The following KALRN variants were observed in gnomAD, a reference collection of about 807,000 sequenced individuals.
The protein encoded by KALRN is kalirin RhoGEF kinase.
Under a neutral mutation model 353.7 loss-of-function variants are expected in KALRN, and 70 were observed. The observed-to-expected ratio is 0.20, with a 90% confidence interval of 0.16 to 0.24. KALRN has a LOEUF of 0.24. Ranked by LOEUF, KALRN falls within the 10% of genes least tolerant of loss-of-function variation. The pLI, the probability that KALRN is intolerant of heterozygous loss-of-function variation, is 1.00. For synonymous variants in KALRN, 1,391 were observed against 1,434.8 expected (o/e 0.97, Z 0.69); for missense variants, 2,791 against 3,756.7 (o/e 0.74, Z 6.72).
intron 1 of KALRN, among the ~76,000 whole-genome samples, chr3:124,058,727 A>G (rs1035410603): frequency 2.0e-5 from 3 of 152,178 alleles, no homozygotes; most frequent in Non-Finnish European, 2.9e-5. Flanking sequence ...GCTTCCCTGT[A>G]GTATCTGTCT....
At chr3:124,093,519 A>G (rs2061246889) in intron 1 of KALRN, among the ~76,000 whole-genome samples, 1 of 152,216 alleles carries the variant, frequency 6.6e-6, no homozygotes, top group African/African-American at 2.4e-5. Context: ...GTGATTGGGC[A>G]AGGACTGGGC....
chr3:124,637,155 T>G, intron 36 of KALRN, 53 bp from the exon 37 acceptor site: 1 of 1,373,624 alleles, frequency 7.3e-7, no homozygotes, highest in Non-Finnish European at 1.0e-6. Context: ...TCCTGATCAC[T>G]GTTCCTTATT....
At chr3:124,074,258 A>G (rs2060158935) in intron 1 of KALRN, among the ~76,000 whole-genome samples, 1 of 152,240 alleles carries the variant, frequency 6.6e-6, no homozygotes, top group African/African-American at 2.4e-5. Flanking sequence ...TAGAATTCTC[A>G]GTTCATAGCT....
intron 48 of KALRN, among the ~76,000 whole-genome samples, chr3:124,673,298 A>G (rs911546485): frequency 2.6e-5 from 4 of 152,060 alleles, no homozygotes; most frequent in African/African-American, 9.7e-5. Flanking sequence ...AGGCAGGAGA[A>G]TCACTTGAGC....
At chr3:124,389,246 A>G (rs2088946279) in intron 11 of KALRN, among the ~76,000 whole-genome samples, 1 of 152,180 alleles carries the variant, frequency 6.6e-6, no homozygotes, top group Admixed American at 6.5e-5. Context: ...TCAGGGAATG[A>G]AAGCCCCTTT....
chr3:124,689,915 T>C lies in KALRN; in HGVS notation c.7378-3889T>C, dbSNP rs78706690. On this transcript the variant is annotated intron_variant, in intron 51 of 59. Transcript: ENST00000682506. ...AGACGTTATGGTACTTAGCAGTTCA[T>C]GGTCAGAGACTTAGAGGTACCTACA... is the stretch of plus-strand genomic sequence containing the variant. Among the ~76,000 whole-genome samples, 520 of 152,308 alleles carry C rather than the reference T, an allele frequency of 3.4e-3. 4 individuals are homozygous for C. The highest frequency in any genetic ancestry group is 0.012 in the African/African-American group (489 of 41,560).
chr3:124,691,250 G>A (rs9814969), intron 51 of KALRN, among the ~76,000 whole-genome samples: 3,009 of 152,138 alleles, frequency 0.02, 44 homozygotes, highest in Non-Finnish European at 0.031. Context: ...CCAACGTGGC[G>A]AGACCCCGTC....
At chr3:124,671,063 G>A (rs2086369242) in intron 47 of KALRN, among the ~76,000 whole-genome samples, 1 of 152,154 alleles carries the variant, frequency 6.6e-6, no homozygotes, top group Non-Finnish European at 1.5e-5. Context: ...AATTAGACAA[G>A]AAGCCTTCTG....
In KALRN at chr3:124,157,593, G is replaced by A. The variant is rs113783045; in HGVS notation, c.74-70397G>A. Among the ~76,000 whole-genome samples the A allele has an allele frequency of 2.0e-5, 3 of 152,178 alleles. No homozygotes were observed. In the East Asian group the frequency reaches 5.8e-4, roughly 29 times the overall value. On this transcript the variant is annotated intron_variant, in intron 1 of 59. Coordinates refer to ENST00000682506, the MANE Select transcript of KALRN (RefSeq NM_001388419.1). ...TATAAATACCTTTAAGAAGTTACAC[G>A]CAGAGGGAGTTTAGTTTTAGTACAA...
intron 11 of KALRN, among the ~76,000 whole-genome samples, chr3:124,390,982 T>C (rs1294630281): frequency 1.3e-5 from 2 of 152,116 alleles, no homozygotes; most frequent in Non-Finnish European, 2.9e-5. Flanking sequence ...GCTAATCTTA[T>C]GTAGGGCATG....
At chr3:124,599,124 C>T (rs887813783) in intron 34 of KALRN, among the ~76,000 whole-genome samples, 1 of 152,216 alleles carries the variant, frequency 6.6e-6, no homozygotes, top group African/African-American at 2.4e-5. Flanking sequence ...TACCCCTCTT[C>T]TGGCCCGCAA....
In KALRN at chr3:124,671,693, A is replaced by G. The variant is rs2086474906; in HGVS notation, c.6737A>G (p.Glu2246Gly). Residue 2246 changes from glutamate to glycine, a missense_variant, in exon 48 of 60, where the codon GAA becomes GGA. Physicochemically the swap from Glu to Gly is moderately conservative, Grantham distance 98. Transcript: ENST00000682506. Reference sequence around the variant, plus strand: ...TCGCCCATTGAGTATCAACGGAAAGAAAGGAGCACAGCTGTGATGAGGTCT... The same window carrying G: ...TCGCCCATTGAGTATCAACGGAAAGGAAGGAGCACAGCTGTGATGAGGTCT... ...LQSPIEYQRK[E>G]RSTAVMRSQP... 3 of 1,614,080 alleles carry G rather than the reference A, an allele frequency of 1.9e-6. No homozygotes were observed. Among genetic ancestry groups the G allele is most frequent in the Non-Finnish European group, 2.5e-6 (3 of 1,179,932 alleles).
intron 33 of KALRN, among the ~76,000 whole-genome samples, chr3:124,498,992 A>G (rs897374897): frequency 6.6e-6 from 1 of 152,114 alleles, no homozygotes; most frequent in Non-Finnish European, 1.5e-5. Context: ...ACTGACTCAT[A>G]TTCAACAGAA....
In KALRN at chr3:124,562,953, C is replaced by A. The variant is rs544705578; in HGVS notation, c.5046C>A (p.Ser1682Arg). The A allele has an allele frequency of 1.5e-6, 2 of 1,367,896 alleles. No individual in the cohort carries two copies. Among genetic ancestry groups the A allele is most frequent in the South Asian group, 1.1e-5 (1 of 88,050 alleles). The allele number at this position is 1,367,896 out of a possible 1,614,324, so 84.7% of individuals were successfully genotyped here. The change falls in exon 34 of 60, where the codon AGC becomes AGA. Residue 1682 changes from serine (S) to arginine (R), a missense_variant. By Grantham distance (110) the Ser-to-Arg change is moderately radical. Around this residue, in one of 11 missense-constraint regions of KALRN, gnomAD observed 239 missense variants for 351.3 expected, o/e 0.68. Coordinates refer to ENST00000682506, the MANE Select transcript of KALRN (RefSeq NM_001388419.1). ...CGGTAGAGCTGCTGGAGCGGCCCAG[C>A]GAGCGGCCTGGTTGGTGTCTGGTCC... ...GQTVELLERP[S>R]ERPGWCLVRT...
chr3:124,385,924 G>A (rs1488208398), intron 11 of KALRN, among the ~76,000 whole-genome samples: 2 of 151,760 alleles, frequency 1.3e-5, no homozygotes, highest in African/African-American at 4.8e-5. Context: ...CCCTTTAATA[G>A]AGTATTAATT....
Position 124,434,325 on chromosome 3 carries a change from T to C in KALRN, c.2848T>C (p.Ser950Pro). Residue 950 changes from serine to proline, a missense_variant, in exon 17 of 60, where the codon TCC becomes CCC. Coordinates refer to ENST00000682506, the MANE Select transcript of KALRN (RefSeq NM_001388419.1). The part of the protein sequence containing the change: ...LAIESLFHAT[S>P]LQKTHQSALQ... ...TGCCCAGTCCCTCTTTCATGCCACT[T>C]CCTTGCAGAAGACGCACCAGAGTGC... The C allele has an allele frequency of 6.2e-7, 1 of 1,612,808 alleles. No homozygotes were observed. The highest frequency in any genetic ancestry group is 1.1e-5 in the South Asian group (1 of 91,012).
intron 33 of KALRN, among the ~76,000 whole-genome samples, chr3:124,552,254 C>T (rs1226984250): frequency 6.6e-6 from 1 of 152,124 alleles, no homozygotes; most frequent in East Asian, 1.9e-4. Flanking sequence ...TGTAAGTCAC[C>T]CCGCTCCCAG....
intron 5 of KALRN, among the ~76,000 whole-genome samples, chr3:124,281,359 T>C (rs2149043007): frequency 6.6e-6 from 1 of 152,328 alleles, no homozygotes. Flanking sequence ...TTGACCAGCT[T>C]GTCCCAGATT....
At position 124,155,390 on chromosome 3, in the gene KALRN, C is replaced by T. The variant is rs558732048; in HGVS notation, c.74-72600C>T. On this transcript the variant is annotated intron_variant, in intron 1 of 59. Coordinates refer to ENST00000682506, the MANE Select transcript of KALRN (RefSeq NM_001388419.1). The stretch of plus-strand genomic sequence containing the variant: ...CACCTTTGTCTTAAATCAGAGGTGC[C>T]ACCAAGTAGTTGATACTACCTTGAG... Among the ~76,000 whole-genome samples, 16 of 152,258 alleles carry T rather than the reference C, an allele frequency of 1.1e-4. No homozygotes were observed. The East Asian group carries it at 2.7e-3, about 26-fold the overall frequency.
Sources: allele counts gnomAD v4.1 joint callset (sites outside exome capture counted in the v4.1 genomes callset), GRCh38; gene constraint gnomAD v4.1.1; regional missense constraint gnomAD v4.1.1; transcripts MANE v1.5; gene names NCBI Gene and HGNC (gene_info 2026-07-23, HGNC 2026-07-21).